Variants in CLVS1 observed in about 807,000 individuals in gnomAD.
CLVS1 encodes the protein clavesin-1.
CLVS1 carries 10 observed loss-of-function variants against 33.1 expected under a neutral mutation model. The observed-to-expected ratio is 0.30, with a 90% CI of 0.19 to 0.51. The LOEUF is 0.51. Ranked by LOEUF, CLVS1 falls within the 20% of genes least tolerant of loss-of-function variation. The probability of loss-of-function intolerance (pLI) is 0.97; values close to 1 mark genes in which losing one functional copy is unlikely to be tolerated. For missense variants in CLVS1, 343 were observed against 433.4 expected (o/e 0.79, Z 1.85); for synonymous variants, 163 against 166.1 (o/e 0.98, Z 0.14).
Position 61,499,482 on chromosome 8 carries a change from C to G in CLVS1, c.1005C>G (p.Thr335=), listed in dbSNP as rs757059295. ...KRSQSVVEAG[T]LKHEEKGENE... ...CTCAGTCTGTGGTAGAAGCTGGGAC[C>G]CTGAAACATGAGGAGAAGGGAGAGA... The change falls in exon 6 of 6, where the codon ACC becomes ACG. Residue 335 remains threonine, a synonymous_variant. Transcript: ENST00000325897. The G allele has an allele frequency of 2.3e-5, 37 of 1,613,474 alleles. No homozygotes were observed. The highest frequency in any genetic ancestry group is 1.9e-5 in the Non-Finnish European group (22 of 1,179,614).
At chr8:61,276,880 A>G (rs1585742534) in intron 2 of CLVS1, among the ~76,000 whole-genome samples, 2 of 152,332 alleles carry the variant, frequency 1.3e-5, no homozygotes, top group Middle Eastern at 6.8e-3. Flanking sequence ...AAGGAAGAGA[A>G]GCTGGCTTCA....
At chr8:61,357,768 G>A (rs151291353) in intron 2 of CLVS1, among the ~76,000 whole-genome samples, 4 of 152,152 alleles carry the variant, frequency 2.6e-5, no homozygotes, top group African/African-American at 9.6e-5. Flanking sequence ...TGTTGGCCAA[G>A]CTGGTCTTCA....
intron 2 of CLVS1, among the ~76,000 whole-genome samples, chr8:61,318,039 T>C (rs1380344891): frequency 6.6e-6 from 1 of 152,228 alleles, no homozygotes; most frequent in Admixed American, 6.5e-5. Flanking sequence ...GTAAACTCTC[T>C]TAACAACCTG....
At chr8:61,327,836 G>T (rs939048912) in intron 2 of CLVS1, among the ~76,000 whole-genome samples, 1 of 152,156 alleles carries the variant, frequency 6.6e-6, no homozygotes, top group East Asian at 1.9e-4. Context: ...GCAACAGACT[G>T]TGCAGTGGCC....
chr8:61,105,152 C>T (rs939598025), intron 1 of CLVS1, among the ~76,000 whole-genome samples: 2 of 152,112 alleles, frequency 1.3e-5, no homozygotes, highest in Non-Finnish European at 2.9e-5. Context: ...ATTTAAAAGA[C>T]TAACTATATT....
the CLVS1 span, among the ~76,000 whole-genome samples, chr8:61,037,900 G>A: frequency 6.6e-6 from 1 of 152,176 alleles, no homozygotes; most frequent in Non-Finnish European, 1.5e-5. Context: ...GCTCTGGCTG[G>A]GTGACCTTGC....
intron 1 of CLVS1, among the ~76,000 whole-genome samples, chr8:61,299,256 A>G (rs1563483873): frequency 6.6e-6 from 1 of 152,160 alleles, no homozygotes; most frequent in Non-Finnish European, 1.5e-5. Context: ...AAAGAGGCCA[A>G]TGGGAAGCAA....
intron 2 of CLVS1, among the ~76,000 whole-genome samples, chr8:61,278,068 G>A (rs2129593059): frequency 6.6e-6 from 1 of 152,300 alleles, no homozygotes; most frequent in Non-Finnish European, 1.5e-5. Flanking sequence ...TGGCAGGTGA[G>A]TGGGGAGTAG....
chr8:61,186,520 C>T (rs185832130), intron 2 of CLVS1, among the ~76,000 whole-genome samples: 1 of 152,248 alleles, frequency 6.6e-6, no homozygotes, highest in South Asian at 2.1e-4. Context: ...CAGATAAATG[C>T]TCTTTTGGAA....
At chr8:61,303,646 G>C (rs1031920144) in intron 2 of CLVS1, among the ~76,000 whole-genome samples, 1 of 152,134 alleles carries the variant, frequency 6.6e-6, no homozygotes, top group African/African-American at 2.4e-5. Context: ...CCAAATATTC[G>C]ATGCAAACAA....
chr8:60,974,748 C>T, the CLVS1 span, among the ~76,000 whole-genome samples: 1 of 149,734 alleles, frequency 6.7e-6, no homozygotes, highest in Non-Finnish European at 1.5e-5. Flanking sequence ...CACTGCACTC[C>T]AGCCTGGGCA....
chr8:61,400,092 G>A (rs1231698013), intron 3 of CLVS1, among the ~76,000 whole-genome samples: 1 of 151,954 alleles, frequency 6.6e-6, no homozygotes, highest in African/African-American at 2.4e-5. Context: ...TAGTTTCATG[G>A]GTATAGTATT....
intron 5 of CLVS1, among the ~76,000 whole-genome samples, chr8:61,472,194 G>A (rs1240629111): frequency 1.3e-5 from 2 of 152,202 alleles, no homozygotes; most frequent in Non-Finnish European, 2.9e-5. Context: ...CTATAATTAT[G>A]TATTTATTGG....
intron 2 of CLVS1, among the ~76,000 whole-genome samples, chr8:61,372,787 T>C (rs977956768): frequency 3.3e-5 from 5 of 152,196 alleles, no homozygotes; most frequent in Admixed American, 2.6e-4. Flanking sequence ...TGTCCCTCAA[T>C]TGGAATTTGT....
chr8:61,088,962 T>C (rs62524484), intron 1 of CLVS1, among the ~76,000 whole-genome samples: 20,342 of 151,860 alleles, frequency 0.13, 1,472 homozygotes, highest in East Asian at 0.24. Context: ...CCACTACGCC[T>C]GGCTAATTTT....
intron 2 of CLVS1, among the ~76,000 whole-genome samples, chr8:61,153,194 A>G (rs746341703): frequency 1.3e-5 from 2 of 152,238 alleles, no homozygotes; most frequent in Non-Finnish European, 2.9e-5. Context: ...TATGCAGAGC[A>G]CAAGCAAATT....
chr8:61,148,100 A>G (rs1380942064), intron 2 of CLVS1, among the ~76,000 whole-genome samples: 1 of 152,214 alleles, frequency 6.6e-6, no homozygotes, highest in East Asian at 1.9e-4. Flanking sequence ...ATTGGTTCTT[A>G]AGGATGTCCT....
intron 2 of CLVS1, among the ~76,000 whole-genome samples, chr8:61,358,208 G>T (rs1347574269): frequency 6.6e-6 from 1 of 152,204 alleles, no homozygotes; most frequent in African/African-American, 2.4e-5. Flanking sequence ...TAGGAAAGAA[G>T]ATAAAGTACT....
rs549955338 is a variant in CLVS1 at position 61,240,894 on chromosome 8, G to GTTTTTTTTTTTTTTTTTTTTT, written c.-151-58766_-151-58765insTTTTTTTTTTTTTTTTTTTTT. On this transcript the variant is annotated intron_variant, in intron 2 of 2. Transcript: ENST00000522621. Reference sequence around the variant, plus strand: ...CTAAAATGAATGATGTTTGCTGTAGGTTTTTTTTTTTTTTTTTAAAATAGA... The same window carrying GTTTTTTTTTTTTTTTTTTTTT: ...CTAAAATGAATGATGTTTGCTGTAGGTTTTTTTTTTTTTTTTTTTTTTTTTTTTTTTTTTTTTTAAAATAGA... Among the ~76,000 whole-genome samples, 64 of 130,592 alleles carry GTTTTTTTTTTTTTTTTTTTTT rather than the reference G, an allele frequency of 4.9e-4. 4 individuals are homozygous for GTTTTTTTTTTTTTTTTTTTTT. Among genetic ancestry groups the GTTTTTTTTTTTTTTTTTTTTT allele is most frequent in the African/African-American group, 1.9e-3 (59 of 31,506 alleles). 85.7% of individuals were successfully genotyped at this position (130,592 alleles called of 152,430 possible). A position where few individuals can be genotyped will look rare whatever the true frequency, so the allele number is the denominator to read the frequency against.
Sources: gnomAD v4.1 joint callset for allele counts (sites outside exome capture counted in the v4.1 genomes callset) on GRCh38, gnomAD v4.1.1 for gene constraint, MANE v1.5 for transcripts, NCBI Gene and HGNC (gene_info 2026-07-23, HGNC 2026-07-21) for gene names.